Variants in PKIG observed in about 807,000 individuals in gnomAD.
The protein encoded by PKIG is protein kinase (cAMP-dependent, catalytic) inhibitor gamma.
PKIG carries 1 observed loss-of-function variant against 6.8 expected under a neutral mutation model. The observed-to-expected ratio is 0.15, with a 90% CI of 0.05 to 0.69. PKIG has a LOEUF of 0.69. Ranked by LOEUF, PKIG falls within the 30% of genes least tolerant of loss-of-function variation. The probability of loss-of-function intolerance (pLI) is 0.82; values close to 1 mark genes in which losing one functional copy is unlikely to be tolerated. For missense variants in PKIG, 77 were observed against 104.0 expected (o/e 0.74, Z 1.13); for synonymous variants, 39 against 43.0 (o/e 0.91, Z 0.36).
rs556422197 is a variant in PKIG at position 44,553,589 on chromosome 20, C to T, written c.-241+21611C>T. 6.3e-3 allele frequency among the ~76,000 whole-genome samples: 960 copies of T among 152,116 alleles called. 11 individuals are homozygous for T. The highest frequency in any genetic ancestry group is 0.01 in the Non-Finnish European group (702 of 68,008). On this transcript the variant is annotated intron_variant, in intron 1 of 4. Coordinates refer to the PKIG transcript ENST00000372887. Reference sequence around the variant, plus strand: ...ATCAGAATGACTGATATCTTTGTGCCTTCATTTAACATTCATTAAATGAAC... The same window carrying T: ...ATCAGAATGACTGATATCTTTGTGCTTTCATTTAACATTCATTAAATGAAC...
chr20:44,537,687 C>T (rs1394115274), intron 1 of PKIG, among the ~76,000 whole-genome samples: 1 of 151,612 alleles, frequency 6.6e-6, no homozygotes, highest in Non-Finnish European at 1.5e-5. Flanking sequence ...AAGTGATTCT[C>T]CTGCCTCAGC....
chr20:44,587,908 T>A (rs1331383515), intron 1 of PKIG, among the ~76,000 whole-genome samples: 1 of 152,198 alleles, frequency 6.6e-6, no homozygotes, highest in Non-Finnish European at 1.5e-5. Context: ...TTCCTGGACG[T>A]GTGTGTAGAT....
intron 1 of PKIG, among the ~76,000 whole-genome samples, chr20:44,574,358 T>C (rs922063707): frequency 6.6e-6 from 1 of 152,160 alleles, no homozygotes. Context: ...TTTTTTTAAC[T>C]GTATTACAGA....
chr20:44,565,414 A>T (rs1199773603), intron 1 of PKIG, among the ~76,000 whole-genome samples: 2 of 152,244 alleles, frequency 1.3e-5, no homozygotes, highest in East Asian at 3.8e-4. Flanking sequence ...GCAGAAAGGT[A>T]GTTTTAACAT....
chr20:44,537,056 A>G (rs1202092265), intron 1 of PKIG, among the ~76,000 whole-genome samples: 1 of 152,078 alleles, frequency 6.6e-6, no homozygotes, highest in Non-Finnish European at 1.5e-5. Context: ...CAGCCTCCCA[A>G]GTAGCTGGGA....
chr20:44,554,168 C>T (rs1445063534), intron 1 of PKIG, among the ~76,000 whole-genome samples: 8 of 152,030 alleles, frequency 5.3e-5, no homozygotes, highest in Admixed American at 4.6e-4. Flanking sequence ...ACCTCTGCCT[C>T]GCAGGCTCAA....
chr20:44,579,552 TTAA>T (rs1470526259), upstream of PKIG, among the ~76,000 whole-genome samples: 1 of 152,340 alleles, frequency 6.6e-6, no homozygotes, highest in South Asian at 2.1e-4. Context: ...GATGTGAATA[TTAA>T]TAATGTCTCC....
upstream of PKIG, among the ~76,000 whole-genome samples, chr20:44,581,070 C>G (rs1214590216): frequency 6.6e-6 from 1 of 152,166 alleles, no homozygotes; most frequent in East Asian, 1.9e-4. Flanking sequence ...ATGGCATTGG[C>G]ATTGGCATGT....
chr20:44,554,123 G>A (rs1415723163), intron 1 of PKIG, among the ~76,000 whole-genome samples: 2 of 151,888 alleles, frequency 1.3e-5, no homozygotes, highest in Non-Finnish European at 2.9e-5. Context: ...CCAGGCTGGA[G>A]TGCTGTGATA....
upstream of PKIG, among the ~76,000 whole-genome samples, chr20:44,580,943 C>A (rs2064942819): frequency 6.6e-6 from 1 of 152,122 alleles, no homozygotes; most frequent in Non-Finnish European, 1.5e-5. Flanking sequence ...TTAGTTGAAG[C>A]CCAGTCTTGC....
chr20:44,542,378 C>T (rs2064570174), intron 1 of PKIG, among the ~76,000 whole-genome samples: 1 of 151,918 alleles, frequency 6.6e-6, no homozygotes, highest in East Asian at 1.9e-4. Context: ...AACCTACCTA[C>T]TCCGTGTTTC....
At chr20:44,590,331 C>T (rs2065024269) in intron 2 of PKIG, among the ~76,000 whole-genome samples, 1 of 152,086 alleles carries the variant, frequency 6.6e-6, no homozygotes, top group African/African-American at 2.4e-5. Context: ...AAAACCCAAC[C>T]CAAAGAAATG....
Position 44,614,703 on chromosome 20 carries a change from G to A in PKIG, c.147G>A (p.Gly49=). ...AGDMGELALE[G]AEGQVEGSAP... The stretch of plus-strand genomic sequence containing the variant: ...ACATGGGCGAGCTGGCACTCGAGGG[G>A]GCAGGTTAGAGCCAGCAGGTCCTTG... Residue 49 remains glycine, a synonymous_variant, in exon 3 of 4, where the codon GGG becomes GGA. Coordinates refer to ENST00000372886, the MANE Select transcript of PKIG (RefSeq NM_001281445.2). The surrounding 1 kb of genome is among the most constrained non-coding windows in gnomAD (Gnocchi z 4.6). 1.9e-6 allele frequency: 3 copies of A among 1,613,642 alleles called. No individual in the cohort carries two copies. Among genetic ancestry groups the A allele is most frequent in the Non-Finnish European group, 2.5e-6 (3 of 1,180,008 alleles).
Position 44,552,197 on chromosome 20 carries a change from T to C in PKIG, c.-241+20219T>C, listed in dbSNP as rs1003582779. The stretch of plus-strand genomic sequence containing the variant: ...TCTGTCAGTCTGTTTGTCAGACTTA[T>C]CTCAAATGCCACGTTGTTTGCGCGT... On this transcript the variant is annotated intron_variant, in intron 1 of 4. Transcript: ENST00000372887. 2.6e-5 allele frequency among the ~76,000 whole-genome samples: 4 copies of C among 152,354 alleles called. No individual in the cohort carries two copies. The East Asian group carries it at 5.8e-4, about 22-fold the overall frequency.
chr20:44,609,321 A>G (rs557324496), intron 2 of PKIG, among the ~76,000 whole-genome samples: 1 of 152,204 alleles, frequency 6.6e-6, no homozygotes, highest in African/African-American at 2.4e-5. Context: ...GCATTGTGAG[A>G]TCAAAGCCCC....
intron 1 of PKIG, among the ~76,000 whole-genome samples, chr20:44,558,608 TTC>T (rs2064738707): frequency 6.6e-6 from 1 of 150,430 alleles, no homozygotes; most frequent in African/African-American, 2.5e-5. Context: ...CTTTCTTTCT[TTC>T]TTTCTCATTC....
intron 2 of PKIG, among the ~76,000 whole-genome samples, chr20:44,601,886 C>T (rs2065124036): frequency 6.6e-6 from 1 of 152,224 alleles, no homozygotes; most frequent in Admixed American, 6.5e-5. Context: ...TTGGAACAGA[C>T]CATGTAGCTC....
chr20:44,602,172 C>T (rs376089520), intron 2 of PKIG, among the ~76,000 whole-genome samples: 1 of 152,226 alleles, frequency 6.6e-6, no homozygotes, highest in South Asian at 2.1e-4. Flanking sequence ...CATTCTTTAG[C>T]ACCCTGTAGG....
At position 44,607,906 on chromosome 20, in the gene PKIG, G is replaced by A. The variant is rs189487996; in HGVS notation, c.-23-6628G>A. On this transcript the variant is annotated intron_variant, in intron 2 of 3. Transcript: ENST00000372886. ...TCGCCATGTTGGCCAGGATGGTCTCGATCTCTTGACCTCGTGATCCACACC... is the reference window on the plus strand; with the variant it reads ...TCGCCATGTTGGCCAGGATGGTCTCAATCTCTTGACCTCGTGATCCACACC... Among the ~76,000 whole-genome samples the A allele has an allele frequency of 2.4e-4, 37 of 152,026 alleles. 1 individual carries two copies. Among genetic ancestry groups the A allele is most frequent in the African/African-American group, 6.3e-4 (26 of 41,436 alleles).
Sources: allele counts gnomAD v4.1 joint callset (sites outside exome capture counted in the v4.1 genomes callset), GRCh38; gene constraint gnomAD v4.1.1; non-coding constraint Gnocchi (gnomAD v3.1); transcripts MANE v1.5; gene names NCBI Gene and HGNC (gene_info 2026-07-23, HGNC 2026-07-21).